Variants in HPSE2 observed in about 807,000 individuals in gnomAD.
HPSE2 encodes the protein heparanase 2 (inactive).
In HPSE2, 38 loss-of-function variants were observed where a neutral mutation model predicts 60.5. That is an observed-to-expected ratio of 0.63 (90% CI 0.48 to 0.82). The LOEUF (loss-of-function observed/expected upper bound fraction) is 0.82, where lower values mean the gene tolerates loss of function less well. Ranked by LOEUF, HPSE2 falls within the 40% of genes least tolerant of loss-of-function variation. The pLI, the probability that HPSE2 is intolerant of heterozygous loss-of-function variation, is 0.00. For synonymous variants in HPSE2, 295 were observed against 293.2 expected, an observed-to-expected ratio of 1.01 and a Z score of -0.06; for missense variants, 713 against 740.4, an observed-to-expected ratio of 0.96 and a Z score of 0.43.
At chr10:98,978,718 A>G (rs964409379) in intron 3 of HPSE2, among the ~76,000 whole-genome samples, 50 of 152,222 alleles carry the variant, frequency 3.3e-4, no homozygotes, top group African/African-American at 1.2e-3. Context: ...CCTTCAAAGC[A>G]TCATAAAAGT....
chr10:99,090,179 T>C (rs1339106823), intron 3 of HPSE2, among the ~76,000 whole-genome samples: 1 of 152,186 alleles, frequency 6.6e-6, no homozygotes, highest in African/African-American at 2.4e-5. Flanking sequence ...TCTTGTTTGA[T>C]TGCTCTGGCT....
chr10:98,898,706 G>A (rs569176589), intron 3 of HPSE2, among the ~76,000 whole-genome samples: 3 of 152,168 alleles, frequency 2.0e-5, no homozygotes, highest in Non-Finnish European at 4.4e-5. Context: ...GAACCTTAAC[G>A]TATGCAAATT....
At chr10:99,214,126 C>T (rs554426606) in intron 2 of HPSE2, among the ~76,000 whole-genome samples, 13 of 152,126 alleles carry the variant, frequency 8.5e-5, no homozygotes, top group East Asian at 3.9e-4. Flanking sequence ...TATTAGCCAT[C>T]GGGGAATAAA....
intron 3 of HPSE2, among the ~76,000 whole-genome samples, chr10:98,800,963 G>T (rs1476876183): frequency 2.0e-5 from 3 of 152,100 alleles, no homozygotes; most frequent in Admixed American, 1.3e-4. Context: ...GATTATTCAT[G>T]CAAAAATCCT....
chr10:99,020,502 T>C (rs1204757091), intron 3 of HPSE2, among the ~76,000 whole-genome samples: 1 of 152,210 alleles, frequency 6.6e-6, no homozygotes, highest in African/African-American at 2.4e-5. Context: ...TGAAAGATGA[T>C]CTGACATTCC....
At chr10:98,699,214 T>C (rs1197329028) in intron 5 of HPSE2, among the ~76,000 whole-genome samples, 1 of 152,238 alleles carries the variant, frequency 6.6e-6, no homozygotes, top group East Asian at 1.9e-4. Flanking sequence ...ACCAATATCC[T>C]TGATGAACAT....
chr10:98,630,453 T>TC (rs1946337961), intron 7 of HPSE2, among the ~76,000 whole-genome samples: 1 of 152,096 alleles, frequency 6.6e-6, no homozygotes, highest in South Asian at 2.1e-4. Flanking sequence ...CGCCTTGGCC[T>TC]CCCAAAGTGC....
At chr10:98,958,283 A>G (rs1231328979) in intron 3 of HPSE2, among the ~76,000 whole-genome samples, 1 of 152,140 alleles carries the variant, frequency 6.6e-6, no homozygotes, top group African/African-American at 2.4e-5. Context: ...ATATGAAACA[A>G]TTTTAATACA....
At chr10:98,567,504 T>G (rs2133889331) in intron 9 of HPSE2, among the ~76,000 whole-genome samples, 1 of 152,290 alleles carries the variant, frequency 6.6e-6, no homozygotes, top group East Asian at 1.9e-4. Flanking sequence ...GGTTGGCTTT[T>G]GGAAGCCTGC....
chr10:98,983,849 T>C (rs7915946), intron 3 of HPSE2, among the ~76,000 whole-genome samples: 116,456 of 152,168 alleles, frequency 0.77, 44,938 homozygotes, highest in East Asian at 0.86. Flanking sequence ...GATTATATCC[T>C]GCGCCTGGCT....
intron 9 of HPSE2, among the ~76,000 whole-genome samples, chr10:98,524,822 T>A (rs1372378870): frequency 6.6e-6 from 1 of 152,206 alleles, no homozygotes; most frequent in Non-Finnish European, 1.5e-5. Context: ...TAACAAATGC[T>A]CTTATGTTAT....
chr10:99,184,809 TATATATATATAGAGAGAGAGAGAGAG>T (rs1383066414), intron 2 of HPSE2, among the ~76,000 whole-genome samples: 1,569 of 37,934 alleles, frequency 0.041, 66 homozygotes, highest in Non-Finnish European at 0.082. Context: ...TATATATATA[TATATATATATAGAGAGAGAGAGAGAG>T]AGAGAGAGAG....
chr10:99,008,187 G>A (rs1244223567), intron 3 of HPSE2, among the ~76,000 whole-genome samples: 1 of 152,168 alleles, frequency 6.6e-6, no homozygotes, highest in East Asian at 1.9e-4. Flanking sequence ...ATCTGCAAAA[G>A]TTTTAATGGA....
chr10:99,211,020 G>C (rs1848935525), intron 2 of HPSE2, among the ~76,000 whole-genome samples: 1 of 151,934 alleles, frequency 6.6e-6, no homozygotes, highest in Non-Finnish European at 1.5e-5. Context: ...AAAACCCTAA[G>C]ATTCAACCAA....
chr10:98,600,747 A>T (rs1164289383), intron 9 of HPSE2, among the ~76,000 whole-genome samples: 1 of 110,024 alleles, frequency 9.1e-6, no homozygotes, highest in Non-Finnish European at 2.2e-5. Context: ...ATATACATAC[A>T]CACAAAAAAA....
chr10:98,855,596 T>G (rs1278148490), intron 3 of HPSE2, among the ~76,000 whole-genome samples: 1 of 152,090 alleles, frequency 6.6e-6, no homozygotes, highest in African/African-American at 2.4e-5. Context: ...CCTACTTCTC[T>G]GTGGGTGGGG....
At chr10:98,720,170 G>C (rs1948887740) in intron 5 of HPSE2, among the ~76,000 whole-genome samples, 1 of 151,944 alleles carries the variant, frequency 6.6e-6, no homozygotes, top group African/African-American at 2.4e-5. Context: ...GGGATAATAA[G>C]AAATCAGAAA....
rs968172773 is a variant in HPSE2 at position 98,458,752 on chromosome 10, C to T, written c.*822G>A. On this transcript the variant is annotated 3_prime_UTR_variant, in exon 12 of 12. Coordinates refer to ENST00000370552, the MANE Select transcript of HPSE2 (RefSeq NM_021828.5). ...TTCTCTTTGTACTCAAACTCTCCCT[C>T]ATAGCAACATGAAGAATGATGACTA... 3.3e-5 allele frequency: 5 copies of T among 152,818 alleles called. No homozygotes were observed. The highest frequency in any genetic ancestry group is 1.2e-4 in the African/African-American group (5 of 41,424). 9.5% of individuals were successfully genotyped at this position (152,818 alleles called of 1,614,324 possible).
At chr10:98,513,823 C>T (rs12264787) in intron 9 of HPSE2, among the ~76,000 whole-genome samples, 3,206 of 152,206 alleles carry the variant, frequency 0.021, 39 homozygotes, top group Middle Eastern at 0.044. Context: ...TCAAATGGTA[C>T]AGCCACTAGG....
Sources: gnomAD v4.1 joint callset for allele counts (sites outside exome capture counted in the v4.1 genomes callset) on GRCh38, gnomAD v4.1.1 for gene constraint, MANE v1.5 for transcripts, NCBI Gene and HGNC (gene_info 2026-07-23, HGNC 2026-07-21) for gene names.